Variants in COLEC11 observed in about 807,000 individuals in gnomAD.
The protein encoded by COLEC11 is collectin subfamily member 11.
COLEC11 carries 20 observed loss-of-function variants against 27.3 expected under a neutral mutation model. The observed-to-expected ratio is 0.73, with a 90% CI of 0.51 to 1.06. COLEC11 has a LOEUF of 1.06. Ranked by LOEUF, COLEC11 falls within the 50% of genes least tolerant of loss-of-function variation. The pLI is 0.00. For synonymous variants in COLEC11, 163 were observed against 154.7 expected (o/e 1.05, Z -0.40); for missense variants, 310 against 383.0 (o/e 0.81, Z 1.59).
intron 1 of COLEC11, among the ~76,000 whole-genome samples, chr2:3,597,333 G>A (rs1007749696): frequency 1.3e-5 from 2 of 149,450 alleles, no homozygotes; most frequent in Admixed American, 1.3e-4. Flanking sequence ...TCTGGTGTCA[G>A]TGAATGAATG....
intron 3 of COLEC11, among the ~76,000 whole-genome samples, chr2:3,633,532 G>C (rs1382924665): frequency 6.6e-6 from 1 of 152,196 alleles, no homozygotes; most frequent in Non-Finnish European, 1.5e-5. Flanking sequence ...AAACCCTTGC[G>C]CTGGCTGCTT....
At chr2:3,626,414 C>T (rs1664556915) in intron 3 of COLEC11, among the ~76,000 whole-genome samples, 2 of 152,034 alleles carry the variant, frequency 1.3e-5, no homozygotes, top group African/African-American at 4.8e-5. Context: ...TTTTCTGTAC[C>T]TGTAAAATGG....
chr2:3,599,230 A>C (rs1420985617), intron 1 of COLEC11, among the ~76,000 whole-genome samples: 2 of 152,146 alleles, frequency 1.3e-5, no homozygotes, highest in East Asian at 3.9e-4. Context: ...CCTCCAACCC[A>C]GTGGACGTTC....
At chr2:3,619,408 C>T (rs1407089717) in intron 3 of COLEC11, among the ~76,000 whole-genome samples, 2 of 152,188 alleles carry the variant, frequency 1.3e-5, no homozygotes, top group African/African-American at 4.8e-5. Flanking sequence ...CTGTGGACTT[C>T]TCATACATGG....
At chr2:3,622,225 G>A (rs1572434387) in intron 3 of COLEC11, among the ~76,000 whole-genome samples, 1 of 151,670 alleles carries the variant, frequency 6.6e-6, no homozygotes, top group African/African-American at 2.4e-5. Context: ...CTGTAGTCTC[G>A]GCTGAGGCAG....
chr2:3,595,395 G>C (rs1661778535), intron 1 of COLEC11, among the ~76,000 whole-genome samples: 1 of 152,260 alleles, frequency 6.6e-6, no homozygotes, highest in Non-Finnish European at 1.5e-5. Flanking sequence ...CTATTGATGA[G>C]ATGGGATCCG....
intron 3 of COLEC11, among the ~76,000 whole-genome samples, chr2:3,625,297 C>T (rs892952976): frequency 6.6e-6 from 1 of 152,142 alleles, no homozygotes; most frequent in African/African-American, 2.4e-5. Context: ...GCCTCAGGTC[C>T]CTGCTGAGGG....
chr2:3,601,932 C>T (rs1356104925), intron 1 of COLEC11: 2 of 152,240 alleles, frequency 1.3e-5, no homozygotes, highest in Admixed American at 6.5e-5. Flanking sequence ...TTTCAAATGA[C>T]TTCCCTTCGA....
chr2:3,608,316 A>G (rs748931730), intron 2 of COLEC11, among the ~76,000 whole-genome samples: 1 of 152,240 alleles, frequency 6.6e-6, no homozygotes, highest in Non-Finnish European at 1.5e-5. Context: ...CTCTCCTGGT[A>G]GAGAAATAAC....
intron 2 of COLEC11, among the ~76,000 whole-genome samples, chr2:3,609,138 A>C (rs1214859568): frequency 6.6e-6 from 1 of 152,230 alleles, no homozygotes; most frequent in African/African-American, 2.4e-5. Flanking sequence ...AGCCCTTGGG[A>C]GATGGCATGT....
intron 1 of COLEC11, among the ~76,000 whole-genome samples, chr2:3,595,689 CTTT>C: frequency 6.6e-6 from 1 of 152,252 alleles, no homozygotes; most frequent in East Asian, 1.9e-4. Context: ...CAGGGAAAGA[CTTT>C]GAGTTCAGAT....
At chr2:3,607,963 CTTG>C (rs1365688338) in intron 2 of COLEC11, among the ~76,000 whole-genome samples, 1 of 152,208 alleles carries the variant, frequency 6.6e-6, no homozygotes, top group Non-Finnish European at 1.5e-5. Context: ...TGCCGTGGCA[CTTG>C]TTGTGGCCAG....
At chr2:3,596,301 C>A (rs559972796) in intron 1 of COLEC11, among the ~76,000 whole-genome samples, 1 of 150,668 alleles carries the variant, frequency 6.6e-6, no homozygotes, top group South Asian at 2.1e-4. Context: ...GCATGTTTGG[C>A]AACTGAAGCC....
intron 1 of COLEC11, chr2:3,603,630 T>C (rs895694180): frequency 6.4e-7 from 1 of 1,551,036 alleles, no homozygotes; most frequent in Admixed American, 2.0e-5. Context: ...TTTTCCAAGT[T>C]GTAACGCCCT....
At chr2:3,606,827 C>T (rs1447197031) in intron 2 of COLEC11, among the ~76,000 whole-genome samples, 1 of 152,208 alleles carries the variant, frequency 6.6e-6, no homozygotes, top group East Asian at 1.9e-4. Context: ...CCTGCCGGCC[C>T]CAGCATGTGC....
At chr2:3,609,352 A>ATTTTTTTTTTTTTTTT (rs567474674) in intron 2 of COLEC11, among the ~76,000 whole-genome samples, 2 of 87,490 alleles carry the variant, frequency 2.3e-5, no homozygotes, top group Non-Finnish European at 4.4e-5. Context: ...TTTTTCTTTG[A>ATTTTTTTTTTTTTTTT]TTTTTTTTTT....
rs1391121876 is a variant in COLEC11, at chr2:3,644,472, G to A, written c.*354G>A. 2.0e-6 allele frequency: 1 copy of A among 501,152 alleles called. No individual in the cohort carries two copies. Among genetic ancestry groups the A allele is most frequent in the Non-Finnish European group, 3.9e-6 (1 of 258,816 alleles). 31.0% of individuals were successfully genotyped at this position (501,152 alleles called of 1,614,324 possible). On this transcript the variant is annotated 3_prime_UTR_variant, in exon 7 of 7. Coordinates refer to ENST00000349077, the MANE Select transcript of COLEC11 (RefSeq NM_024027.5). ...GTTAAGTCCAAATAGTGGCAATGGGGTCTTGAATTACTACCTTTTAATTTC... is the reference window on the plus strand; with the variant it reads ...GTTAAGTCCAAATAGTGGCAATGGGATCTTGAATTACTACCTTTTAATTTC...
rs1294757102 is a variant in COLEC11 at position 3,637,548 on chromosome 2, A to G, written c.218A>G (p.Lys73Arg). 5.6e-6 allele frequency: 9 copies of G among 1,614,168 alleles called. No individual in the cohort carries two copies. The highest frequency in any genetic ancestry group is 6.8e-6 in the Non-Finnish European group (8 of 1,180,012). ...PTGEKGDMGD[K>R]GQKGSVGRHG... is the part of the protein sequence containing the mutation. ...TTTTCTACAGGAGACATGGGGGACA[A>G]AGGACAGAAAGGCAGTGTGGGTCGT... Residue 73 changes from lysine (K) to arginine (R), a missense_variant, in exon 4 of 7, where the codon AAA becomes AGA. Lys to Arg is a conservative substitution (Grantham distance 26). Transcript: ENST00000349077.
chr2:3,617,403 T>C, intron 3 of COLEC11: 1 of 924,116 alleles, frequency 1.1e-6, no homozygotes, highest in Non-Finnish European at 1.7e-6. Context: ...TCGTTGTCCG[T>C]AGTTCTTTGA....
Sources: allele counts gnomAD v4.1 joint callset (sites outside exome capture counted in the v4.1 genomes callset), GRCh38; gene constraint gnomAD v4.1.1; transcripts MANE v1.5; gene names NCBI Gene and HGNC (gene_info 2026-07-23, HGNC 2026-07-21).